The following DLG2 variants were observed in gnomAD, a reference collection of about 807,000 sequenced individuals.
DLG2 encodes the protein discs large MAGUK scaffold protein 2, also known as disks large homolog 2.
DLG2 carries 45 observed loss-of-function variants against 132.5 expected under a neutral mutation model. That is an observed-to-expected ratio of 0.34 (90% CI 0.27 to 0.44). The LOEUF is 0.44. DLG2 is among the 20% of genes least tolerant of loss of function. The pLI is 1.00. For synonymous variants in DLG2, 424 were observed against 419.6 expected, an observed-to-expected ratio of 1.01 and a Z score of -0.13; for missense variants, 1,045 against 1,196.9, an observed-to-expected ratio of 0.87 and a Z score of 1.87.
intron 6 of DLG2, among the ~76,000 whole-genome samples, chr11:84,542,950 T>C (rs2099380587): frequency 7.0e-6 from 1 of 143,008 alleles, no homozygotes; most frequent in African/African-American, 2.6e-5. Context: ...CAAATCCTTT[T>C]CTCCAGCTTC....
intron 6 of DLG2, among the ~76,000 whole-genome samples, chr11:84,979,743 C>T (rs1363291255): frequency 6.6e-6 from 1 of 151,832 alleles, no homozygotes; most frequent in African/African-American, 2.4e-5. Flanking sequence ...CAACATGGCA[C>T]ATGTATACAT....
intron 8 of DLG2, among the ~76,000 whole-genome samples, chr11:84,234,590 C>A (rs1480685670): frequency 1.3e-5 from 2 of 152,156 alleles, no homozygotes; most frequent in Non-Finnish European, 2.9e-5. Flanking sequence ...CTCCTCCAAG[C>A]CAAGTGCATT....
At chr11:84,905,125 C>T (rs187373965) in intron 6 of DLG2, among the ~76,000 whole-genome samples, 1 of 152,052 alleles carries the variant, frequency 6.6e-6, no homozygotes, top group African/African-American at 2.4e-5. Context: ...GCTTCAGTGA[C>T]TCTCCCATCG....
At chr11:83,536,268 T>C (rs1418278303) in intron 20 of DLG2, among the ~76,000 whole-genome samples, 1 of 152,178 alleles carries the variant, frequency 6.6e-6, no homozygotes, top group African/African-American at 2.4e-5. Context: ...ACCTCAAAAT[T>C]CAGAATAAAT....
At position 83,815,878 on chromosome 11, in the gene DLG2, T is replaced by C. The variant is rs544302591; in HGVS notation, c.1722+17736A>G. 2.6e-5 allele frequency among the ~76,000 whole-genome samples: 4 copies of C among 152,244 alleles called. No homozygotes were observed. The South Asian group carries it at 8.3e-4, about 32-fold the overall frequency. On this transcript the variant is annotated intron_variant, in intron 17 of 27. Transcript: ENST00000376104. ...GTGAATCCTGGAGAATACAAACAAG[T>C]ATTCTCTTCAATATCTGACATGGAT...
intron 7 of DLG2, among the ~76,000 whole-genome samples, chr11:84,301,025 A>G (rs2098145392): frequency 2.6e-5 from 4 of 152,190 alleles, no homozygotes. Context: ...ATGAGTATTG[A>G]CTGAATGACT....
At chr11:84,026,665 A>C (rs1226974362) in intron 11 of DLG2, among the ~76,000 whole-genome samples, 2 of 152,124 alleles carry the variant, frequency 1.3e-5, no homozygotes, top group African/African-American at 4.8e-5. Flanking sequence ...TTATTGACTC[A>C]ATGAATAAAT....
intron 7 of DLG2, among the ~76,000 whole-genome samples, chr11:84,480,888 G>A (rs1221146871): frequency 3.3e-5 from 5 of 151,346 alleles, no homozygotes; most frequent in Non-Finnish European, 4.4e-5. Context: ...ACAGGCATAC[G>A]CCACTATGCC....
rs972109990 is a variant in DLG2, at chr11:84,537,072, A to G, written c.358-2341T>C. 4.8e-3 allele frequency among the ~76,000 whole-genome samples: 9 copies of G among 1,894 alleles called. No homozygotes were observed. The African/African-American group carries it at 0.085, about 18-fold the overall frequency. The allele number at this position is 1,894 out of a possible 152,430, so 1.2% of individuals were successfully genotyped here. A position where few individuals can be genotyped will look rare whatever the true frequency, so the allele number is the denominator to read the frequency against. On this transcript the variant is annotated intron_variant, in intron 6 of 27. Coordinates refer to ENST00000376104, the MANE Select transcript of DLG2 (RefSeq NM_001142699.3). ...AGCTTTCTTACACTGCCATAACCCT[A>G]CTACTATATATGCTGAACCCCCATT...
intron 4 of DLG2, among the ~76,000 whole-genome samples, chr11:85,257,511 C>T (rs1205986172): frequency 1.3e-5 from 2 of 152,132 alleles, no homozygotes; most frequent in East Asian, 3.9e-4. Context: ...ATGTTATTTA[C>T]AATTCATCAG....
chr11:84,397,095 C>T (rs997594126), intron 7 of DLG2, among the ~76,000 whole-genome samples: 1 of 151,982 alleles, frequency 6.6e-6, no homozygotes, highest in Non-Finnish European at 1.5e-5. Context: ...TGTTAAGTAC[C>T]TTGATTCTTA....
chr11:84,488,390 C>T (rs1384046527), intron 7 of DLG2, among the ~76,000 whole-genome samples: 1 of 152,008 alleles, frequency 6.6e-6, no homozygotes, highest in Non-Finnish European at 1.5e-5. Context: ...TGGGGAAGGC[C>T]TTAGTTGATG....
At chr11:85,100,449 T>C (rs1344985938) in intron 6 of DLG2, among the ~76,000 whole-genome samples, 2 of 152,176 alleles carry the variant, frequency 1.3e-5, no homozygotes, top group African/African-American at 2.4e-5. Context: ...AAAGGTCATA[T>C]GGCTGGTGAG....
At chr11:84,158,453 C>G (rs867010576) in intron 9 of DLG2, among the ~76,000 whole-genome samples, 1 of 152,212 alleles carries the variant, frequency 6.6e-6, no homozygotes, top group Non-Finnish European at 1.5e-5. Flanking sequence ...TTAATTTTGA[C>G]AGCAGTCTAA....
intron 16 of DLG2, among the ~76,000 whole-genome samples, chr11:83,849,023 C>CA (rs1395143812): frequency 6.6e-6 from 1 of 152,232 alleles, no homozygotes; most frequent in South Asian, 2.1e-4. Flanking sequence ...TCTTTATGCA[C>CA]AAAAAATATA....
rs572496038 is a variant in DLG2 at position 83,791,850 on chromosome 11, G to A, written c.1723-5058C>T. Among the ~76,000 whole-genome samples the A allele has an allele frequency of 3.9e-5, 6 of 152,226 alleles. No individual in the cohort carries two copies. The East Asian group carries it at 7.7e-4, about 20-fold the overall frequency. On this transcript the variant is annotated intron_variant, in intron 17 of 27. Coordinates refer to ENST00000376104, the MANE Select transcript of DLG2 (RefSeq NM_001142699.3). ...CTTTCCTCCAGCAAGTCCTTCTCCC[G>A]CCTCCTTCCTCCTCCTCCAGCTTGT...
intron 6 of DLG2, among the ~76,000 whole-genome samples, chr11:85,067,981 G>A (rs539848345): frequency 2.0e-5 from 3 of 152,174 alleles, no homozygotes; most frequent in African/African-American, 7.2e-5. Context: ...TCCCTGGGAC[G>A]CAAGGCTGTT....
At chr11:83,662,610 A>G (rs574099237) in intron 18 of DLG2, among the ~76,000 whole-genome samples, 2 of 152,278 alleles carry the variant, frequency 1.3e-5, no homozygotes, top group South Asian at 4.1e-4. Context: ...TGTCTCTTCT[A>G]TTTATCCCTG....
At chr11:83,820,217 T>C (rs1357380565) in intron 17 of DLG2, among the ~76,000 whole-genome samples, 1 of 152,142 alleles carries the variant, frequency 6.6e-6, no homozygotes, top group African/African-American at 2.4e-5. Context: ...AATAGGTTCA[T>C]AGGCCAGTTT....
Sources: gnomAD v4.1 joint callset for allele counts (sites outside exome capture counted in the v4.1 genomes callset) on GRCh38, gnomAD v4.1.1 for gene constraint, MANE v1.5 for transcripts, NCBI Gene and HGNC (gene_info 2026-07-23, HGNC 2026-07-21) for gene names.